The following CCDC195 variants were observed in gnomAD, a reference collection of about 807,000 sequenced individuals.
CCDC195 encodes the protein coiled-coil domain-containing protein 195.
intron 2 of CCDC195, among the ~76,000 whole-genome samples, chr2:224,706,511 T>C (rs949619332): frequency 2.2e-5 from 3 of 138,800 alleles, no homozygotes; most frequent in African/African-American, 5.3e-5. Flanking sequence ...GGCTGTAACT[T>C]TTTTTTTTTT....
intron 2 of CCDC195, among the ~76,000 whole-genome samples, chr2:224,708,436 A>G (rs4674938): frequency 0.051 from 7,734 of 152,074 alleles, 378 homozygotes; most frequent in African/African-American, 0.13. Flanking sequence ...TCTCAGTGGC[A>G]TGGCTTCTTC....
intron 2 of CCDC195, among the ~76,000 whole-genome samples, chr2:224,706,520 T>C (rs1249392015): frequency 6.8e-6 from 1 of 146,676 alleles, no homozygotes; most frequent in Non-Finnish European, 1.5e-5. Flanking sequence ...TTTTTTTTTT[T>C]TTTTTTTTTG....
chr2:224,715,527 T>C lies in CCDC195; in HGVS notation c.235+604A>G, dbSNP rs151008233. 5.9e-5 allele frequency among the ~76,000 whole-genome samples: 9 copies of C among 152,346 alleles called. 1 individual carries two copies. The East Asian group carries it at 1.7e-3, about 29-fold the overall frequency. The stretch of plus-strand genomic sequence containing the variant: ...TTATTAGTAAAACATGGATAGGAAA[T>C]AGTATCTGCCATTTGTTGTGCCTTG... On this transcript the variant is annotated intron_variant, in intron 1 of 2. Transcript: ENST00000638102.
At chr2:224,704,721 C>G (rs1697218659) in intron 2 of CCDC195, among the ~76,000 whole-genome samples, 1 of 147,424 alleles carries the variant, frequency 6.8e-6, no homozygotes, top group African/African-American at 2.5e-5. Flanking sequence ...TTCCCAGGTT[C>G]AAGCTATTCT....
intron 1 of CCDC195, among the ~76,000 whole-genome samples, chr2:224,715,207 T>C (rs16866130): frequency 0.15 from 23,062 of 152,214 alleles, 2,043 homozygotes; most frequent in East Asian, 0.28. Flanking sequence ...TAATTGGCAG[T>C]GCCTGAAGCT....
intron 2 of CCDC195, among the ~76,000 whole-genome samples, chr2:224,708,128 T>A (rs1689251669): frequency 6.6e-6 from 1 of 152,020 alleles, no homozygotes; most frequent in Non-Finnish European, 1.5e-5. Context: ...GTGCTGGAAT[T>A]ACAGGCTTGA....
chr2:224,713,466 A>G (rs1241216459), intron 1 of CCDC195, among the ~76,000 whole-genome samples: 1 of 152,170 alleles, frequency 6.6e-6, no homozygotes, highest in Non-Finnish European at 1.5e-5. Flanking sequence ...CTGTATTCAT[A>G]GAATCACAGG....
Position 224,706,668 on chromosome 2 carries a change from G to A in CCDC195, c.483-2781C>T, listed in dbSNP as rs185766902. ...TGAGAATACAGGTGCCCACCACCACGCCTGGCTAATTTTTGTATTTTAGTA... is the reference window on the plus strand; with the variant it reads ...TGAGAATACAGGTGCCCACCACCACACCTGGCTAATTTTTGTATTTTAGTA... On this transcript the variant is annotated intron_variant, in intron 2 of 2. Transcript: ENST00000638102. Among the ~76,000 whole-genome samples the A allele has an allele frequency of 5.7e-4, 85 of 150,214 alleles. 1 individual carries two copies. The highest frequency in any genetic ancestry group is 2.0e-3 in the African/African-American group (81 of 40,766).
intron 1 of CCDC195, among the ~76,000 whole-genome samples, chr2:224,714,740 T>G (rs540388519): frequency 6.6e-6 from 1 of 152,248 alleles, no homozygotes; most frequent in African/African-American, 2.4e-5. Context: ...TCTTTCACAG[T>G]TTTATTAAAT....
At chr2:224,706,764 C>T (rs991310492) in intron 2 of CCDC195, among the ~76,000 whole-genome samples, 1 of 151,820 alleles carries the variant, frequency 6.6e-6, no homozygotes, top group Non-Finnish European at 1.5e-5. Context: ...CCCACCTCAG[C>T]CTCCCAAAGT....
chr2:224,705,252 G>T (rs1697228304), intron 2 of CCDC195, among the ~76,000 whole-genome samples: 1 of 151,996 alleles, frequency 6.6e-6, no homozygotes, highest in Admixed American at 6.6e-5. Flanking sequence ...TAATGAATCT[G>T]GTTTACCCTA....
chr2:224,713,767 G>A (rs997404575), intron 1 of CCDC195, among the ~76,000 whole-genome samples: 2 of 150,700 alleles, frequency 1.3e-5, no homozygotes, highest in Admixed American at 6.6e-5. Flanking sequence ...CAATAAGCAA[G>A]GTTTCCTACA....
intron 2 of CCDC195, among the ~76,000 whole-genome samples, chr2:224,707,985 T>TCCCTCCCTCCCC (rs1689242183): frequency 3.9e-5 from 1 of 25,966 alleles, no homozygotes; most frequent in Non-Finnish European, 6.3e-5. Context: ...CCTCCCTCCC[T>TCCCTCCCTCCCC]CCCTCCCTCC....
At chr2:224,706,913 A>G (rs1026943722) in intron 2 of CCDC195, among the ~76,000 whole-genome samples, 7 of 151,472 alleles carry the variant, frequency 4.6e-5, no homozygotes, top group South Asian at 2.1e-4. Flanking sequence ...ATATACACAC[A>G]CGCGCACTTT....
intron 1 of CCDC195, among the ~76,000 whole-genome samples, chr2:224,714,170 A>G (rs1689354662): frequency 1.3e-5 from 2 of 152,250 alleles, no homozygotes; most frequent in South Asian, 4.1e-4. Flanking sequence ...TAATGCTAAC[A>G]TTCTTATTGG....
intron 2 of CCDC195, among the ~76,000 whole-genome samples, chr2:224,706,284 C>T (rs577789798): frequency 1.1e-4 from 14 of 130,808 alleles, no homozygotes; most frequent in Middle Eastern, 4.6e-3. Context: ...CGGCTCACTG[C>T]AACCTCCGCC....
intron 2 of CCDC195, among the ~76,000 whole-genome samples, chr2:224,704,210 G>A (rs1270485239): frequency 3.3e-5 from 5 of 152,148 alleles, no homozygotes; most frequent in African/African-American, 9.7e-5. Context: ...AGTCTCTTGC[G>A]TCAAATCTTC....
At chr2:224,714,404 A>C (rs1037380023) in intron 1 of CCDC195, among the ~76,000 whole-genome samples, 1 of 73,380 alleles carries the variant, frequency 1.4e-5, no homozygotes, top group Non-Finnish European at 2.5e-5. Context: ...AATAGACTTG[A>C]AGTATTGTTT....
intron 1 of CCDC195, among the ~76,000 whole-genome samples, chr2:224,712,656 C>T (rs1689330006): frequency 1.3e-5 from 2 of 152,198 alleles, no homozygotes; most frequent in East Asian, 3.8e-4. Context: ...TGATCCACTT[C>T]CAGGTCCTCT....
Sources: allele counts gnomAD v4.1 joint callset (sites outside exome capture counted in the v4.1 genomes callset), GRCh38; gene constraint gnomAD v4.1.1; transcripts MANE v1.5; gene names NCBI Gene and HGNC (gene_info 2026-07-23, HGNC 2026-07-21).